HLTF: variants seen among roughly 807,000 people sequenced by gnomAD.
The protein encoded by HLTF is helicase like transcription factor, also known as DNA-dependent ATPase/E3 ubiquitin-protein ligase HLTF.
HLTF carries 127 observed loss-of-function variants against 129.4 expected under a neutral mutation model. That is an observed-to-expected ratio of 0.98 (90% CI 0.85 to 1.14). The LOEUF (loss-of-function observed/expected upper bound fraction) is 1.14, where lower values mean the gene tolerates loss of function less well. Among genes scored for constraint, HLTF ranks in the 50% most tolerant of loss-of-function variants. The probability of loss-of-function intolerance (pLI) is 0.00; values close to 1 mark genes in which losing one functional copy is unlikely to be tolerated. For missense variants in HLTF, 1,139 were observed against 1,187.1 expected, an observed-to-expected ratio of 0.96 and a Z score of 0.60; for synonymous variants, 332 against 388.8, an observed-to-expected ratio of 0.85 and a Z score of 1.72.
chr3:149,069,611 T>C (rs1718684410), intron 7 of HLTF, among the ~76,000 whole-genome samples: 1 of 152,214 alleles, frequency 6.6e-6, no homozygotes, highest in Non-Finnish European at 1.5e-5. Flanking sequence ...TTCTGTTGCA[T>C]ATCAAACTAT....
intron 23 of HLTF, among the ~76,000 whole-genome samples, chr3:149,038,383 G>C (rs1715827458): frequency 6.6e-6 from 1 of 152,152 alleles, no homozygotes; most frequent in South Asian, 2.1e-4. Flanking sequence ...TAGCATAATA[G>C]TACTTAAATA....
intron 15 of HLTF, 115 bp downstream of exon 15, chr3:149,050,117 G>A (rs1716862744): frequency 4.0e-6 from 2 of 502,528 alleles, no homozygotes; most frequent in African/African-American, 2.0e-5. Flanking sequence ...ATATCGTTAA[G>A]TATCTAAAGA....
At chr3:149,066,099 T>G (rs751066192) in intron 8 of HLTF, among the ~76,000 whole-genome samples, 1,910 of 151,840 alleles carry the variant, frequency 0.013, 17 homozygotes, top group Non-Finnish European at 0.02. Flanking sequence ...CAGGCTGGAG[T>G]GCAACGGCAC....
At position 149,060,773 on chromosome 3, in the gene HLTF, T is replaced by C. The variant is rs199656698; in HGVS notation, c.1240+6A>G. 5.0e-6 allele frequency: 8 copies of C among 1,611,460 alleles called. No homozygotes were observed. In the African/African-American group the frequency reaches 9.3e-5, roughly 19 times the overall value. ...ACATTATCAAATCAAATCTATTACA[T>C]GTTACCTTTCATTTTCTGCGGCAAT... On this transcript the variant is annotated splice_donor_region_variant and intron_variant, in intron 11 of 24. Transcript: ENST00000310053.
At chr3:149,042,078 T>C in intron 19 of HLTF, 88 bp downstream of exon 19, 1 of 1,166,368 alleles carries the variant, frequency 8.6e-7, no homozygotes, top group Non-Finnish European at 1.3e-6. Context: ...CAAAATAAAC[T>C]AAATGTATGC....
intron 13 of HLTF, among the ~76,000 whole-genome samples, chr3:149,057,183 TTTGGAAGAC>T (rs1293223358): frequency 6.7e-6 from 1 of 149,282 alleles, no homozygotes; most frequent in Non-Finnish European, 1.5e-5. Flanking sequence ...ATCCCAGCAC[TTTGGAAGAC>T]TGAGGCGGGT....
At chr3:149,084,944 A>G in intron 1 of HLTF, 55 bp from the exon 2 acceptor site, 1 of 1,261,992 alleles carries the variant, frequency 7.9e-7, no homozygotes, top group Non-Finnish European at 1.1e-6. Context: ...ATTTCCAAAG[A>G]CCATATGAGT....
intron 19 of HLTF, 22 bp from the exon 20 acceptor site, chr3:149,041,690 T>C: frequency 6.5e-7 from 1 of 1,542,702 alleles, no homozygotes; most frequent in Non-Finnish European, 8.9e-7. Flanking sequence ...GCTGAAAAAT[T>C]AATTTCAGAG....
chr3:149,033,228 T>A (rs1205827005), intron 24 of HLTF, among the ~76,000 whole-genome samples: 1 of 152,084 alleles, frequency 6.6e-6, no homozygotes. Flanking sequence ...ACCCAATTAC[T>A]GCAATAACTA....
intron 7 of HLTF, among the ~76,000 whole-genome samples, chr3:149,070,411 T>C (rs1718748519): frequency 1.3e-5 from 2 of 152,242 alleles, no homozygotes. Flanking sequence ...TGTTAATGTT[T>C]TGGCATAGTT....
At chr3:149,073,144 C>A in intron 5 of HLTF, 81 bp downstream of exon 5, 2 of 785,748 alleles carry the variant, frequency 2.5e-6, no homozygotes, top group Non-Finnish European at 2.1e-6. Context: ...CCCACACGTA[C>A]ATATTCATCC....
At chr3:149,072,467 G>A (rs1459317225) in intron 5 of HLTF, among the ~76,000 whole-genome samples, 3 of 152,156 alleles carry the variant, frequency 2.0e-5, no homozygotes, top group Non-Finnish European at 4.4e-5. Flanking sequence ...TGCACTATAG[G>A]ATACTTTTAT....
At position 149,084,808 on chromosome 3, in the gene HLTF, A is replaced by G; in HGVS notation, c.102T>C (p.Phe34=). 24 of 1,614,122 alleles carry G rather than the reference A, an allele frequency of 1.5e-5. No individual in the cohort carries two copies. The highest frequency in any genetic ancestry group is 1.9e-5 in the Non-Finnish European group (23 of 1,179,960). ...NFPRLSYPTF[F]PRFEFQDVIP... ...TAACATCTTGGAATTCAAAACGTGG[A>G]AAGAAAGTTGGATATGAGAGGCGTG... Residue 34 remains phenylalanine (F), a synonymous_variant, in exon 2 of 25, where the codon TTT becomes TTC. Transcript: ENST00000310053.
chr3:149,043,094 T>C lies in HLTF; in HGVS notation c.2073-804A>G, dbSNP rs533333123. Among the ~76,000 whole-genome samples the C allele has an allele frequency of 2.1e-5, 3 of 141,272 alleles. No individual in the cohort carries two copies. In the South Asian group the frequency reaches 6.7e-4, roughly 31 times the overall value. The allele number at this position is 141,272 out of a possible 152,430, so 92.7% of individuals were successfully genotyped here. ...TAACACCACTCAATAAAACAATTCCTCCAAAAAAAAAAAATCTTAAAGCAA... is the reference window on the plus strand; with the variant it reads ...TAACACCACTCAATAAAACAATTCCCCCAAAAAAAAAAAATCTTAAAGCAA... On this transcript the variant is annotated intron_variant, in intron 18 of 24. Transcript: ENST00000310053.
At chr3:149,038,216 G>A (rs79393620) in intron 23 of HLTF, among the ~76,000 whole-genome samples, 2,735 of 152,198 alleles carry the variant, frequency 0.018, 85 homozygotes, top group African/African-American at 0.062. Context: ...TACTAGAACC[G>A]TGATGGTAAT....
intron 2 of HLTF, 37 bp from the exon 3 acceptor site, chr3:149,076,084 A>C (rs766369593): frequency 1.3e-6 from 1 of 765,760 alleles, no homozygotes; most frequent in South Asian, 2.3e-5. Context: ...TTACATTATA[A>C]ATAATAGACA....
At chr3:149,048,804 C>T in intron 16 of HLTF, 59 bp downstream of exon 16, 1 of 1,349,392 alleles carries the variant, frequency 7.4e-7, no homozygotes, top group Non-Finnish European at 1.0e-6. Context: ...ACTTTACTAA[C>T]TTACATAATG....
At chr3:149,042,656 C>T (rs1007726497) in intron 18 of HLTF, among the ~76,000 whole-genome samples, 1 of 151,944 alleles carries the variant, frequency 6.6e-6, no homozygotes, top group African/African-American at 2.4e-5. Flanking sequence ...ACTTGAGCTT[C>T]CATGGAGAAA....
At position 149,044,987 on chromosome 3, in the gene HLTF, A is replaced by C. The variant is rs1351939709; in HGVS notation, c.2072+1093T>G. Among the ~76,000 whole-genome samples the C allele has an allele frequency of 2.0e-5, 3 of 152,274 alleles. No individual in the cohort carries two copies. The East Asian group carries it at 5.8e-4, about 29-fold the overall frequency. On this transcript the variant is annotated intron_variant, in intron 18 of 24. Transcript: ENST00000310053. ...ACAGCAGCCAGAGTGATCTTTTAAAAATATAAATCAGATTACGTCCCTCTC... is the reference window on the plus strand; with the variant it reads ...ACAGCAGCCAGAGTGATCTTTTAAACATATAAATCAGATTACGTCCCTCTC...
Sources: gnomAD v4.1 joint callset for allele counts (sites outside exome capture counted in the v4.1 genomes callset) on GRCh38, gnomAD v4.1.1 for gene constraint, MANE v1.5 for transcripts, NCBI Gene and HGNC (gene_info 2026-07-23, HGNC 2026-07-21) for gene names.